The following PCDH9 variants were observed in gnomAD, a reference collection of about 807,000 sequenced individuals.
PCDH9 encodes the protein protocadherin 9, also known as protocadherin-9.
Under a neutral mutation model 70.6 loss-of-function variants are expected in PCDH9, and 24 were observed. That is an observed-to-expected ratio of 0.34 (90% CI 0.25 to 0.48). The LOEUF (loss-of-function observed/expected upper bound fraction) is 0.48. Ranked by LOEUF, PCDH9 falls within the 20% of genes least tolerant of loss-of-function variation. PCDH9 has a pLI of 0.99. For synonymous variants in PCDH9, 562 were observed against 558.5 expected (o/e 1.01, Z -0.09); for missense variants, 1,281 against 1,503.6 (o/e 0.85, Z 2.45).
At chr13:66,684,784 T>C (rs1323120383) in intron 3 of PCDH9, among the ~76,000 whole-genome samples, 1 of 152,108 alleles carries the variant, frequency 6.6e-6, no homozygotes, top group East Asian at 1.9e-4. Flanking sequence ...GGTGCAGCTC[T>C]AAAGATACTT....
At chr13:66,825,495 C>T (rs962736808) in intron 3 of PCDH9, among the ~76,000 whole-genome samples, 3 of 150,586 alleles carry the variant, frequency 2.0e-5, no homozygotes, top group African/African-American at 4.9e-5. Flanking sequence ...CGCCACCATG[C>T]CCGGCTAATT....
chr13:66,413,828 A>G (rs903759184), intron 4 of PCDH9, among the ~76,000 whole-genome samples: 12 of 152,266 alleles, frequency 7.9e-5, no homozygotes, highest in East Asian at 5.8e-4. Flanking sequence ...TGGCTAAACT[A>G]TGCATCTGTG....
chr13:66,442,654 C>G (rs144368665), intron 4 of PCDH9, among the ~76,000 whole-genome samples: 1 of 58,958 alleles, frequency 1.7e-5, no homozygotes, highest in East Asian at 5.6e-4. Context: ...ATAAACTCAC[C>G]TCCAGTTTGT....
chr13:66,781,327 G>T (rs2079994904), intron 3 of PCDH9, among the ~76,000 whole-genome samples: 1 of 152,126 alleles, frequency 6.6e-6, no homozygotes, highest in Admixed American at 6.6e-5. Context: ...TTCACCTCTT[G>T]CAGGGCAAAG....
At chr13:66,399,821 C>T (rs1357512559) in intron 4 of PCDH9, among the ~76,000 whole-genome samples, 1 of 151,902 alleles carries the variant, frequency 6.6e-6, no homozygotes, top group African/African-American at 2.4e-5. Context: ...CAGAGTGAGA[C>T]CCTGCCTCAA....
intron 4 of PCDH9, among the ~76,000 whole-genome samples, chr13:66,514,231 C>A (rs1476952360): frequency 2.0e-5 from 3 of 152,086 alleles, no homozygotes; most frequent in African/African-American, 7.2e-5. Flanking sequence ...TTTGCTAAGA[C>A]GTCGCTGCCT....
At chr13:66,921,696 T>C (rs1342224526) in intron 2 of PCDH9, among the ~76,000 whole-genome samples, 2 of 151,362 alleles carry the variant, frequency 1.3e-5, no homozygotes, top group South Asian at 2.1e-4. Context: ...TCTCAGAATA[T>C]CAGACCTCAA....
At chr13:66,454,258 C>G (rs775760690) in intron 4 of PCDH9, among the ~76,000 whole-genome samples, 2 of 151,700 alleles carry the variant, frequency 1.3e-5, no homozygotes, top group African/African-American at 2.4e-5. Flanking sequence ...TATATCTGAG[C>G]AAAGAAAATA....
At chr13:66,329,628 G>A (rs1328433830) in intron 4 of PCDH9, among the ~76,000 whole-genome samples, 2 of 152,118 alleles carry the variant, frequency 1.3e-5, no homozygotes, top group African/African-American at 2.4e-5. Context: ...CATGGAATGG[G>A]TTTTTAATAA....
rs116625983 is a variant in PCDH9, at chr13:66,487,422, T to C, written c.3340+143788A>G. Among the ~76,000 whole-genome samples the C allele has an allele frequency of 5.6e-3, 852 of 152,308 alleles. 10 individuals are homozygous for C. Among genetic ancestry groups the C allele is most frequent in the African/African-American group, 0.019 (809 of 41,578 alleles). On this transcript the variant is annotated intron_variant, in intron 4 of 4. Coordinates refer to ENST00000377865, the MANE Select transcript of PCDH9 (RefSeq NM_203487.3). The stretch of plus-strand genomic sequence containing the variant: ...TAGATATTGACTTACTAAAACTACA[T>C]ACATGGCCATCACTAAATTTCTTTC...
intron 2 of PCDH9, among the ~76,000 whole-genome samples, chr13:67,073,354 A>G (rs775283537): frequency 2.1e-4 from 32 of 152,176 alleles, no homozygotes; most frequent in Non-Finnish European, 3.4e-4. Flanking sequence ...GAAACTTTAT[A>G]TATCAAGAAT....
In PCDH9 at chr13:66,926,618, A is replaced by T. The variant is rs998709622; in HGVS notation, c.3037-23013T>A. On this transcript the variant is annotated intron_variant, in intron 2 of 4. Transcript: ENST00000377865. ...TCTCTCCTGGAAACCATCCAAACAAATTTAATTATTGAAGTATTTAAGAGA... is the reference window on the plus strand; with the variant it reads ...TCTCTCCTGGAAACCATCCAAACAATTTTAATTATTGAAGTATTTAAGAGA... Among the ~76,000 whole-genome samples the T allele has an allele frequency of 7.2e-5, 11 of 152,204 alleles. No homozygotes were observed. In the East Asian group the frequency reaches 1.9e-3, roughly 27 times the overall value.
chr13:66,671,753 T>G (rs922156093), intron 3 of PCDH9, among the ~76,000 whole-genome samples: 4 of 152,208 alleles, frequency 2.6e-5, no homozygotes, highest in Non-Finnish European at 5.9e-5. Flanking sequence ...ACTTGGGTGC[T>G]CTTAAAAGCA....
At chr13:66,671,575 T>C (rs2078175556) in intron 3 of PCDH9, among the ~76,000 whole-genome samples, 1 of 152,126 alleles carries the variant, frequency 6.6e-6, no homozygotes, top group African/African-American at 2.4e-5. Flanking sequence ...CAGATGGAGA[T>C]GAGGAACTTG....
At chr13:66,683,240 C>T (rs2078352905) in intron 3 of PCDH9, among the ~76,000 whole-genome samples, 1 of 152,108 alleles carries the variant, frequency 6.6e-6, no homozygotes, top group African/African-American at 2.4e-5. Context: ...CATAAACTAT[C>T]TGCCTAGTAC....
intron 4 of PCDH9, among the ~76,000 whole-genome samples, chr13:66,609,178 A>T (rs78529735): frequency 2.6e-5 from 4 of 152,346 alleles, no homozygotes; most frequent in South Asian, 4.1e-4. Flanking sequence ...ACACACAATA[A>T]GATTTCTCCT....
intron 4 of PCDH9, among the ~76,000 whole-genome samples, chr13:66,480,826 T>A (rs986581811): frequency 7.2e-5 from 11 of 152,122 alleles, no homozygotes; most frequent in South Asian, 4.1e-4. Flanking sequence ...AACCAAAGGA[T>A]TATAAATCAT....
At chr13:66,502,299 A>AT (rs1471011275) in intron 4 of PCDH9, among the ~76,000 whole-genome samples, 1 of 152,166 alleles carries the variant, frequency 6.6e-6, no homozygotes, top group Non-Finnish European at 1.5e-5. Flanking sequence ...TACTTTTTAC[A>AT]TTTTTAATAC....
At chr13:66,517,577 C>A (rs1313171254) in intron 4 of PCDH9, among the ~76,000 whole-genome samples, 4 of 152,002 alleles carry the variant, frequency 2.6e-5, no homozygotes, top group Admixed American at 6.6e-5. Flanking sequence ...GAAATTCCTA[C>A]CAGAATTCAG....
Sources: gnomAD v4.1 joint callset for allele counts (sites outside exome capture counted in the v4.1 genomes callset) on GRCh38, gnomAD v4.1.1 for gene constraint, MANE v1.5 for transcripts, NCBI Gene and HGNC (gene_info 2026-07-23, HGNC 2026-07-21) for gene names.